PTER: variants seen among roughly 807,000 people sequenced by gnomAD.
The protein encoded by PTER is phosphotriesterase related.
A neutral mutation model predicts 29.6 loss-of-function variants in PTER; 38 were observed. The ratio of observed to expected loss-of-function variants is 1.28; its 90% CI spans 0.99 to 1.68. The LOEUF is 1.68. PTER is among the 40% of genes most tolerant of loss of function. The pLI is 0.00. For synonymous variants in PTER, 172 were observed against 154.5 expected, an observed-to-expected ratio of 1.11 and a Z score of -0.84; for missense variants, 482 against 427.8, an observed-to-expected ratio of 1.13 and a Z score of -1.12.
intron 4 of PTER, among the ~76,000 whole-genome samples, chr10:16,509,562 C>T (rs976669455): frequency 6.6e-6 from 1 of 152,140 alleles, no homozygotes; most frequent in Non-Finnish European, 1.5e-5. Context: ...CCTAAAACCT[C>T]CTATACCGTG....
intron 1 of PTER, among the ~76,000 whole-genome samples, chr10:16,473,713 A>G (rs1224061014): frequency 6.6e-6 from 1 of 152,074 alleles, no homozygotes; most frequent in Non-Finnish European, 1.5e-5. Flanking sequence ...AACCTTAAAG[A>G]TGCAGTTTGT....
At chr10:16,474,250 T>C (rs1835170747) in intron 1 of PTER, among the ~76,000 whole-genome samples, 1 of 152,108 alleles carries the variant, frequency 6.6e-6, no homozygotes, top group African/African-American at 2.4e-5. Flanking sequence ...GGACCTTGGT[T>C]AAAAAAGAAA....
chr10:16,488,923 G>C (rs765351717), intron 3 of PTER, among the ~76,000 whole-genome samples: 14 of 152,202 alleles, frequency 9.2e-5, no homozygotes, highest in Non-Finnish European at 1.5e-4. Context: ...TTTTAATTGC[G>C]TGCTTGGCAT....
intron 3 of PTER, among the ~76,000 whole-genome samples, chr10:16,488,306 CA>C (rs1835777698): frequency 6.6e-6 from 1 of 151,916 alleles, no homozygotes; most frequent in African/African-American, 2.4e-5. Context: ...ACATCTTGGA[CA>C]GCTTAATTTG....
downstream of PTER, chr10:16,514,210 A>G (rs1836912546): frequency 4.6e-6 from 2 of 430,574 alleles, no homozygotes; most frequent in Middle Eastern, 5.8e-4. Context: ...AGTATCATAT[A>G]TATAGAAGAA....
chr10:16,499,519 G>A (rs567059089), intron 3 of PTER, among the ~76,000 whole-genome samples: 11 of 151,960 alleles, frequency 7.2e-5, no homozygotes, highest in African/African-American at 2.7e-4. Flanking sequence ...GTGACTCACT[G>A]CAGCCTCAAC....
chr10:16,444,425 A>G (rs1445016922), intron 1 of PTER, among the ~76,000 whole-genome samples: 2 of 149,878 alleles, frequency 1.3e-5, no homozygotes, highest in South Asian at 2.1e-4. Context: ...CAATACCTCA[A>G]TACCACGCCT....
intron 1 of PTER, among the ~76,000 whole-genome samples, chr10:16,470,814 G>T (rs536209442): frequency 1.3e-4 from 19 of 151,900 alleles, no homozygotes; most frequent in Non-Finnish European, 1.9e-4. Context: ...CTTTAAAAAG[G>T]TTTCTTTCTA....
At position 16,474,410 on chromosome 10, in the gene PTER, A is replaced by G. The variant is rs1403512727; in HGVS notation, c.-48-9927A>G. 2.6e-5 allele frequency among the ~76,000 whole-genome samples: 4 copies of G among 152,306 alleles called. No individual in the cohort carries two copies. The East Asian group carries it at 7.7e-4, about 29-fold the overall frequency. On this transcript the variant is annotated intron_variant, in intron 1 of 4. Coordinates refer to ENST00000535784, the MANE Select transcript of PTER (RefSeq NM_001261836.2). ...ACTCAAATAATTCTTTGTTCTAACC[A>G]TTAGGGCATATTTATAATGATGACT...
intron 1 of PTER, among the ~76,000 whole-genome samples, chr10:16,462,453 G>A (rs1164525676): frequency 6.6e-6 from 1 of 151,948 alleles, no homozygotes; most frequent in Admixed American, 6.6e-5. Context: ...CTGACTTTAG[G>A]GTTTGTTTAT....
chr10:16,451,530 T>C (rs1322686813), intron 1 of PTER, among the ~76,000 whole-genome samples: 1 of 152,078 alleles, frequency 6.6e-6, no homozygotes, highest in Non-Finnish European at 1.5e-5. Flanking sequence ...CCAACATTAC[T>C]AAACCCTGTC....
chr10:16,493,617 CT>C (rs1370798418), intron 3 of PTER, among the ~76,000 whole-genome samples: 2 of 151,932 alleles, frequency 1.3e-5, no homozygotes, highest in Admixed American at 6.6e-5. Context: ...TTCCCCACCC[CT>C]GCCCTAGTTA....
chr10:16,446,220 ATT>A (rs375758553), intron 1 of PTER, among the ~76,000 whole-genome samples: 12 of 144,248 alleles, frequency 8.3e-5, no homozygotes, highest in Non-Finnish European at 9.2e-5. Flanking sequence ...CACCCCCAAC[ATT>A]TTTTTTTTTT....
intron 3 of PTER, among the ~76,000 whole-genome samples, chr10:16,501,293 C>T (rs1836328321): frequency 6.7e-6 from 1 of 149,876 alleles, no homozygotes; most frequent in African/African-American, 2.5e-5. Flanking sequence ...CAGAGGGGGT[C>T]ATATCACTAT....
intron 1 of PTER, among the ~76,000 whole-genome samples, chr10:16,438,938 A>AAAG (rs1554784958): frequency 1.3e-5 from 2 of 149,374 alleles, no homozygotes; most frequent in African/African-American, 5.0e-5. Context: ...AAAAAAAAAA[A>AAAG]GGTAAGTGGT....
At chr10:16,448,664 A>G (rs1380877751) in intron 1 of PTER, among the ~76,000 whole-genome samples, 1 of 152,172 alleles carries the variant, frequency 6.6e-6, no homozygotes, top group African/African-American at 2.4e-5. Flanking sequence ...CTTCTCATTC[A>G]CTGGGTACAA....
chr10:16,463,441 C>T (rs920936262), intron 1 of PTER, among the ~76,000 whole-genome samples: 15 of 152,194 alleles, frequency 9.9e-5, no homozygotes, highest in East Asian at 5.8e-4. Context: ...GACCAAGTCT[C>T]GCTCTTATCA....
downstream of PTER, chr10:16,514,182 A>T (rs1836911594): frequency 5.0e-6 from 2 of 399,512 alleles, no homozygotes; most frequent in Non-Finnish European, 8.8e-6. Flanking sequence ...TAAAAGCAGC[A>T]AGATCACAGT....
chr10:16,471,465 G>GA (rs112438365), intron 1 of PTER, among the ~76,000 whole-genome samples: 3,653 of 151,672 alleles, frequency 0.024, 149 homozygotes, highest in African/African-American at 0.083. Flanking sequence ...TGTAATGAAG[G>GA]AAAAAAAATG....
Sources: gnomAD v4.1 joint callset for allele counts (sites outside exome capture counted in the v4.1 genomes callset) on GRCh38, gnomAD v4.1.1 for gene constraint, MANE v1.5 for transcripts, NCBI Gene and HGNC (gene_info 2026-07-23, HGNC 2026-07-21) for gene names.